Variants in RSPH14 observed in about 807,000 individuals in gnomAD.
RSPH14 encodes the protein radial spoke head 14 homolog, also known as rhabdoid tumor deletion region gene 1.
RSPH14 carries 20 observed loss-of-function variants against 26.7 expected under a neutral mutation model. The ratio of observed to expected loss-of-function variants is 0.75; its 90% confidence interval spans 0.53 to 1.09. The LOEUF (loss-of-function observed/expected upper bound fraction) is 1.09. RSPH14 is among the 50% of genes least tolerant of loss of function. The pLI, the probability that RSPH14 is intolerant of heterozygous loss-of-function variation, is 0.00. For synonymous variants in RSPH14, 177 were observed against 189.3 expected, an observed-to-expected ratio of 0.93 and a Z score of 0.53; for missense variants, 449 against 457.2, an observed-to-expected ratio of 0.98 and a Z score of 0.16.
intron 4 of RSPH14, among the ~76,000 whole-genome samples, chr22:23,077,334 T>TC: frequency 6.6e-6 from 1 of 152,198 alleles, no homozygotes; most frequent in East Asian, 1.9e-4. Flanking sequence ...ATTTGATGCC[T>TC]CACTCCCTGT....
the RSPH14 span, chr22:23,160,898 C>G: frequency 6.2e-7 from 1 of 1,613,828 alleles, no homozygotes; most frequent in Non-Finnish European, 8.5e-7. Context: ...TGAAGGCATT[C>G]TTCAGCCGCG....
chr22:23,136,903 A>G lies in RSPH14; in HGVS notation c.302+1937T>C, dbSNP rs2070493749. ...AGATCTGCAGAGTGAGGCTGGGATT[A>G]GGATTGTTGCCCAGATCACAGAGCA... On this transcript the variant is annotated intron_variant, in intron 3 of 6. Transcript: ENST00000216036. Among the ~76,000 whole-genome samples the G allele has an allele frequency of 1.4e-5, 2 of 138,682 alleles. 1 individual carries two copies. The highest frequency in any genetic ancestry group is 3.2e-5 in the Non-Finnish European group (2 of 62,244). The allele number at this position is 138,682 out of a possible 152,430, so 91.0% of individuals were successfully genotyped here. A position where few individuals can be genotyped will look rare whatever the true frequency, so the allele number is the denominator to read the frequency against.
the RSPH14 span, among the ~76,000 whole-genome samples, chr22:23,161,191 C>T: frequency 1.3e-5 from 2 of 152,190 alleles, no homozygotes; most frequent in South Asian, 2.1e-4. Flanking sequence ...AGGTCAGACA[C>T]CCTCCCTAGC....
At chr22:23,173,869 G>A in the RSPH14 span, among the ~76,000 whole-genome samples, 1 of 151,854 alleles carries the variant, frequency 6.6e-6, no homozygotes, top group East Asian at 1.9e-4. Flanking sequence ...CACCACACCA[G>A]GCTAACTTTT....
chr22:23,153,663 C>A, the RSPH14 span: 1 of 980,744 alleles, frequency 1.0e-6, no homozygotes. Context: ...CACTCCCTCT[C>A]CCCAGCCTCA....
intron 4 of RSPH14, among the ~76,000 whole-genome samples, chr22:23,133,276 A>G (rs545958272): frequency 4.6e-5 from 7 of 152,372 alleles, no homozygotes; most frequent in African/African-American, 1.7e-4. Context: ...AGCATAAACA[A>G]GCAAAAATCA....
intron 4 of RSPH14, among the ~76,000 whole-genome samples, chr22:23,130,496 A>AAGAAAGAAAGAAAGAAGG (rs67156030): frequency 1.8e-5 from 2 of 110,692 alleles, no homozygotes; most frequent in African/African-American, 7.2e-5. Flanking sequence ...GAAGGAAAGA[A>AAGAAAGAAAGAAAGAAGG]AAAGAAAGAA....
intron 4 of RSPH14, among the ~76,000 whole-genome samples, chr22:23,072,179 C>G (rs1017591926): frequency 5.9e-5 from 9 of 152,170 alleles, no homozygotes; most frequent in Non-Finnish European, 1.2e-4. Context: ...CCAGGCAACC[C>G]CCTTGTTAGG....
chr22:23,061,986 G>A (rs1433941568), intron 5 of RSPH14, 41 bp from the exon 6 acceptor site: 3 of 1,611,554 alleles, frequency 1.9e-6, no homozygotes, highest in South Asian at 1.1e-5. Flanking sequence ...TGCTTGGAAG[G>A]GAGAAGAGGC....
intron 4 of RSPH14, among the ~76,000 whole-genome samples, chr22:23,079,004 C>T (rs779954366): frequency 3.3e-5 from 5 of 152,200 alleles, no homozygotes; most frequent in South Asian, 2.1e-4. Context: ...CCGTGAGCCA[C>T]GTTGACCGAT....
At position 23,138,946 on chromosome 22, in the gene RSPH14, G is replaced by GAAAAAA; in HGVS notation, c.200-10_200-5dup. On this transcript the variant is annotated splice_region_variant and splice_polypyrimidine_tract_variant and intron_variant, in intron 2 of 6. Coordinates refer to ENST00000216036, the MANE Select transcript of RSPH14 (RefSeq NM_014433.3). Reference sequence around the variant, plus strand: ...GCTTTCAGGTTCTCCATACAGCCTAGAAAAAAAAAAAAAAACAAACAAACC... The same window carrying GAAAAAA: ...GCTTTCAGGTTCTCCATACAGCCTAGAAAAAAAAAAAAAAAAAAAAACAAACAAACC... 1.4e-6 allele frequency: 2 copies of GAAAAAA among 1,380,184 alleles called. No homozygotes were observed. Among genetic ancestry groups the GAAAAAA allele is most frequent in the Non-Finnish European group, 1.9e-6 (2 of 1,033,876 alleles). The allele number at this position is 1,380,184 out of a possible 1,614,324, so 85.5% of individuals were successfully genotyped here.
At chr22:23,081,347 A>G (rs1336055025) in intron 4 of RSPH14, among the ~76,000 whole-genome samples, 2 of 152,216 alleles carry the variant, frequency 1.3e-5, no homozygotes, top group Non-Finnish European at 2.9e-5. Flanking sequence ...GAAAATTGAC[A>G]GATATATGAA....
chr22:23,173,051 T>A, the RSPH14 span, among the ~76,000 whole-genome samples: 1 of 152,210 alleles, frequency 6.6e-6, no homozygotes, highest in South Asian at 2.1e-4. Context: ...TTCCTCCATG[T>A]TTTTCCATGG....
the RSPH14 span, among the ~76,000 whole-genome samples, chr22:23,164,506 G>A: frequency 5.3e-5 from 8 of 152,042 alleles, no homozygotes; most frequent in East Asian, 3.9e-4. Context: ...GCATCTTCTC[G>A]GTCAGAATTG....
At chr22:23,147,006 C>T (rs2070813553), upstream of RSPH14, among the ~76,000 whole-genome samples, 1 of 152,190 alleles carries the variant, frequency 6.6e-6, no homozygotes, top group Admixed American at 6.5e-5. Flanking sequence ...CTCAGAGCCA[C>T]TGTTACATGA....
chr22:23,116,845 C>T (rs371773088), intron 4 of RSPH14, among the ~76,000 whole-genome samples: 21 of 152,008 alleles, frequency 1.4e-4, no homozygotes, highest in African/African-American at 3.4e-4. Context: ...CAAAAACAGG[C>T]CCCCAGTCCA....
the RSPH14 span, among the ~76,000 whole-genome samples, chr22:23,177,263 T>C: frequency 7.9e-5 from 12 of 152,152 alleles, no homozygotes; most frequent in Admixed American, 4.6e-4. Flanking sequence ...TTCCCCGAAC[T>C]GTGCCTTCTC....
intron 4 of RSPH14, among the ~76,000 whole-genome samples, chr22:23,082,065 C>T (rs2068695779): frequency 6.8e-6 from 1 of 146,752 alleles, no homozygotes; most frequent in African/African-American, 2.5e-5. Flanking sequence ...GCGGAGCTTG[C>T]AGTGAGCCGA....
chr22:23,122,742 G>A (rs975501995), intron 4 of RSPH14: 18 of 302,148 alleles, frequency 6.0e-5, no homozygotes, highest in Non-Finnish European at 1.1e-4. Flanking sequence ...GAAGATGGGG[G>A]GTCCTCGGAG....
Sources: allele counts gnomAD v4.1 joint callset (sites outside exome capture counted in the v4.1 genomes callset), GRCh38; gene constraint gnomAD v4.1.1; transcripts MANE v1.5; gene names NCBI Gene and HGNC (gene_info 2026-07-23, HGNC 2026-07-21).